The following FKBP9 variants were observed in gnomAD, a reference collection of about 807,000 sequenced individuals.
FKBP9 encodes the protein FKBP prolyl isomerase 9, also known as peptidyl-prolyl cis-trans isomerase FKBP9.
Under a neutral mutation model 55.6 loss-of-function variants are expected in FKBP9, and 27 were observed. The observed-to-expected ratio is 0.49, with a 90% CI of 0.36 to 0.67. The LOEUF (loss-of-function observed/expected upper bound fraction) is 0.67, where lower values mean the gene tolerates loss of function less well. FKBP9 is among the 30% of genes least tolerant of loss of function. The pLI is 0.00. For missense variants in FKBP9, 539 were observed against 742.8 expected, an observed-to-expected ratio of 0.73 and a Z score of 3.19; for synonymous variants, 267 against 296.5, an observed-to-expected ratio of 0.90 and a Z score of 1.02.
At chr7:32,963,499 G>A in intron 1 of FKBP9, 2 of 660,886 alleles carry the variant, frequency 3.0e-6, no homozygotes, top group East Asian at 3.4e-5. Context: ...AGCCTCATTG[G>A]GGCTTCATTT....
At chr7:32,984,484 C>T (rs1323367166) in intron 5 of FKBP9, among the ~76,000 whole-genome samples, 1 of 152,184 alleles carries the variant, frequency 6.6e-6, no homozygotes, top group African/African-American at 2.4e-5. Flanking sequence ...TATCAAACTC[C>T]CGGCCTCAAG....
chr7:32,957,548 T>G lies in FKBP9; in HGVS notation c.-26T>G. On this transcript the variant is annotated 5_prime_UTR_variant, in exon 1 of 10. Coordinates refer to ENST00000242209, the MANE Select transcript of FKBP9 (RefSeq NM_007270.5). ...CGTGCCGCCCGAGCGCCGCGCTGCG[T>G]CCGCGCCACTCTTCTCGCCGCCCCG... The G allele has an allele frequency of 7.1e-7, 1 of 1,401,488 alleles. No homozygotes were observed. The highest frequency in any genetic ancestry group is 9.2e-7 in the Non-Finnish European group (1 of 1,084,676). 86.8% of individuals were successfully genotyped at this position (1,401,488 alleles called of 1,614,324 possible).
At chr7:32,965,866 TACATAC>T (rs1784135958) in intron 1 of FKBP9, among the ~76,000 whole-genome samples, 2 of 97,516 alleles carry the variant, frequency 2.1e-5, no homozygotes, top group African/African-American at 4.8e-5. Context: ...TATATATATA[TACATAC>T]ATATATATAT....
At position 32,957,780 on chromosome 7, in the gene FKBP9, G is replaced by A; in HGVS notation, c.207G>A (p.Gln69=). The change falls in exon 1 of 10, where the codon CAG becomes CAA. Residue 69 remains glutamine (Q), a synonymous_variant. Transcript: ENST00000242209. ...YHYVGTFPDG[Q]KFDSSYDRDS... is the part of the protein sequence containing the mutation. ...ACGTGGGGACGTTCCCCGACGGCCA[G>A]AAGTTCGACTCCAGGTACCGCGCCC... 6.9e-7 allele frequency: 1 copy of A among 1,455,320 alleles called. No individual in the cohort carries two copies. The highest frequency in any genetic ancestry group is 9.0e-7 in the Non-Finnish European group (1 of 1,105,640). 90.2% of individuals were successfully genotyped at this position (1,455,320 alleles called of 1,614,324 possible).
At position 32,974,500 on chromosome 7, in the gene FKBP9, G is replaced by T. The variant is rs192072686; in HGVS notation, c.222-117G>T. ...CCTGTATCAGTAACTCCTAGGCAGGGTTTTTGCTTTGCTATGGCCCCATTA... is the reference window on the plus strand; with the variant it reads ...CCTGTATCAGTAACTCCTAGGCAGGTTTTTTGCTTTGCTATGGCCCCATTA... On this transcript the variant is annotated intron_variant, in intron 1 of 9. Coordinates refer to ENST00000242209, the MANE Select transcript of FKBP9 (RefSeq NM_007270.5). 370 of 806,044 alleles carry T rather than the reference G, an allele frequency of 4.6e-4. 4 individuals are homozygous for T. In the African/African-American group the frequency reaches 5.5e-3, roughly 12 times the overall value. 49.9% of individuals were successfully genotyped at this position (806,044 alleles called of 1,614,324 possible). A position where few individuals can be genotyped will look rare whatever the true frequency, so the allele number is the denominator to read the frequency against.
At chr7:32,994,952 G>A (rs1410525271) in intron 6 of FKBP9, 1 of 167,246 alleles carries the variant, frequency 6.0e-6, no homozygotes, top group Non-Finnish European at 1.3e-5. Flanking sequence ...GTAATATCAT[G>A]TCTGAATTTT....
chr7:32,983,457 G>A lies in FKBP9; in HGVS notation c.893+2904G>A, dbSNP rs71532551. ...AGCCTCCCGAGTAGCTAGGATTACA[G>A]GCGCCTGTCACCACACCAGGCTAAT... On this transcript the variant is annotated intron_variant, in intron 5 of 9. Transcript: ENST00000242209. Among the ~76,000 whole-genome samples the A allele has an allele frequency of 3.4e-3, 518 of 152,114 alleles. 2 individuals carry two copies. Among genetic ancestry groups the A allele is most frequent in the Non-Finnish European group, 5.7e-3 (386 of 67,992 alleles).
At chr7:33,000,075 G>A (rs1317100418) in intron 7 of FKBP9, 40 bp from the exon 8 acceptor site, 7 of 1,613,648 alleles carry the variant, frequency 4.3e-6, no homozygotes, top group Middle Eastern at 3.3e-4. Context: ...AGTGCCAATG[G>A]GTTGGTGACC....
chr7:32,968,779 C>A (rs886747320), intron 1 of FKBP9, among the ~76,000 whole-genome samples: 14 of 149,404 alleles, frequency 9.4e-5, no homozygotes, highest in African/African-American at 1.5e-4. Context: ...TGCCTCAGCC[C>A]CCCGAGTAGC....
rs566411013 is a variant in FKBP9, at chr7:32,970,162, A to G, written c.222-4455A>G. Among the ~76,000 whole-genome samples, 129 of 152,028 alleles carry G rather than the reference A, an allele frequency of 8.5e-4. 1 individual carries two copies. The highest frequency in any genetic ancestry group is 3.0e-3 in the African/African-American group (125 of 41,462). On this transcript the variant is annotated intron_variant, in intron 1 of 9. Coordinates refer to ENST00000242209, the MANE Select transcript of FKBP9 (RefSeq NM_007270.5). ...TTAAGTCTTCCCATCCATGAACGAG[A>G]AATGTCTTTCCATTTATTCGTGTCC... is the stretch of plus-strand genomic sequence containing the variant.
Position 32,979,550 on chromosome 7 carries a change from G to A in FKBP9, c.704-814G>A, listed in dbSNP as rs1307770499. Reference sequence around the variant, plus strand: ...TGGCGGCATCTGGTTTGCTTGTCTGGGCCTACTCCTTTGCATGATATAACA... The same window carrying A: ...TGGCGGCATCTGGTTTGCTTGTCTGAGCCTACTCCTTTGCATGATATAACA... On this transcript the variant is annotated intron_variant, in intron 4 of 9. Transcript: ENST00000242209. The A allele has an allele frequency of 1.9e-6, 3 of 1,550,504 alleles. No homozygotes were observed. In the East Asian group the frequency reaches 7.3e-5, roughly 38 times the overall value.
At chr7:32,966,302 C>T (rs1484152982) in intron 1 of FKBP9, among the ~76,000 whole-genome samples, 1 of 151,106 alleles carries the variant, frequency 6.6e-6, no homozygotes, top group African/African-American at 2.4e-5. Flanking sequence ...ACTATGATGT[C>T]TCTTGTCTTA....
chr7:32,976,558 T>C lies in FKBP9; in HGVS notation c.703+59T>C, dbSNP rs180715994. On this transcript the variant is annotated intron_variant, in intron 4 of 9. Transcript: ENST00000242209. The stretch of plus-strand genomic sequence containing the variant: ...CTACCCTTATTTTTATTGCAGTGGT[T>C]AATTCAGTTGTCACCACATGAAACC... 25 of 1,544,008 alleles carry C rather than the reference T, an allele frequency of 1.6e-5. No homozygotes were observed. The African/African-American group carries it at 3.4e-4, about 21-fold the overall frequency.
chr7:32,960,198 C>T (rs13311772), intron 1 of FKBP9, among the ~76,000 whole-genome samples: 44,004 of 150,056 alleles, frequency 0.29, 7,986 homozygotes, highest in Non-Finnish European at 0.41. Context: ...CTGCAACCTC[C>T]CTGCCTCCCG....
intron 1 of FKBP9, among the ~76,000 whole-genome samples, chr7:32,961,797 G>A (rs1018121980): frequency 2.7e-4 from 41 of 151,694 alleles, no homozygotes; most frequent in Non-Finnish European, 5.1e-4. Flanking sequence ...GAGGGATCTA[G>A]GTTATGTGCT....
At chr7:33,004,084 C>G (rs1365848873) in intron 9 of FKBP9, among the ~76,000 whole-genome samples, 1 of 152,140 alleles carries the variant, frequency 6.6e-6, no homozygotes, top group African/African-American at 2.4e-5. Context: ...TCTCTGACTC[C>G]TCTCTTTCTC....
chr7:32,967,733 G>GTTTAGACAGAGTGGTTTTTTTGT (rs1202793379), intron 1 of FKBP9, among the ~76,000 whole-genome samples: 5 of 151,874 alleles, frequency 3.3e-5, no homozygotes, highest in African/African-American at 4.8e-5. Flanking sequence ...TTTTGTTTTA[G>GTTTAGACAGAGTGGTTTTTTTGT]TTTAGACAGA....
rs761275037 is a variant in FKBP9, at chr7:32,980,543, T to C, written c.883T>C (p.Phe295Leu). Residue 295 changes from phenylalanine to leucine, a missense_variant, in exon 5 of 10, where the codon TTT (phenylalanine) becomes CTT (leucine). Physicochemically the swap from Phe to Leu is conservative, Grantham distance 22. Coordinates refer to ENST00000242209, the MANE Select transcript of FKBP9 (RefSeq NM_007270.5). ...YNGTLLDGTL[F>L]DSSYSRNRTF... ...TGGCACGCTTCTGGATGGCACCCTC[T>C]TTGATTCCAGGTAAGGAAATGATTA... 3.7e-6 allele frequency: 6 copies of C among 1,613,004 alleles called. No individual in the cohort carries two copies. Among genetic ancestry groups the C allele is most frequent in the East Asian group, 2.2e-5 (1 of 44,872 alleles).
intron 5 of FKBP9, among the ~76,000 whole-genome samples, chr7:32,986,432 G>A (rs1784578316): frequency 6.6e-6 from 1 of 152,250 alleles, no homozygotes; most frequent in African/African-American, 2.4e-5. Context: ...CTGCAGGTGG[G>A]AACCTCGGGA....
Sources: allele counts gnomAD v4.1 joint callset (sites outside exome capture counted in the v4.1 genomes callset), GRCh38; gene constraint gnomAD v4.1.1; transcripts MANE v1.5; gene names NCBI Gene and HGNC (gene_info 2026-07-23, HGNC 2026-07-21).